Variants in KHDRBS2 observed in about 807,000 individuals in gnomAD.
The protein encoded by KHDRBS2 is KH RNA binding domain containing, signal transduction associated 2.
Under a neutral mutation model 44.3 loss-of-function variants are expected in KHDRBS2, and 26 were observed. The ratio of observed to expected loss-of-function variants is 0.59; its 90% confidence interval spans 0.43 to 0.81. The LOEUF (loss-of-function observed/expected upper bound fraction) is 0.81. Among genes scored for constraint, KHDRBS2 ranks in the 40% least tolerant of loss-of-function variants. The probability of loss-of-function intolerance (pLI) is 0.00; values close to 1 mark genes in which losing one functional copy is unlikely to be tolerated. For missense variants in KHDRBS2, 476 were observed against 433.1 expected (o/e 1.10, Z -0.88); for synonymous variants, 194 against 151.1 (o/e 1.28, Z -2.08).
intron 6 of KHDRBS2, among the ~76,000 whole-genome samples, chr6:61,766,114 T>C (rs1184179735): frequency 6.6e-6 from 1 of 151,964 alleles, no homozygotes; most frequent in Non-Finnish European, 1.5e-5. Flanking sequence ...TTCAGGCTTT[T>C]TTTTTGCTGG....
At chr6:61,883,101 AAT>A (rs1163672286) in intron 6 of KHDRBS2, among the ~76,000 whole-genome samples, 2 of 152,080 alleles carry the variant, frequency 1.3e-5, no homozygotes, top group African/African-American at 2.4e-5. Context: ...GCTTTTTAGG[AAT>A]ATACCCATAG....
At chr6:61,924,768 A>T (rs1439846490) in intron 4 of KHDRBS2, among the ~76,000 whole-genome samples, 2 of 151,862 alleles carry the variant, frequency 1.3e-5, no homozygotes, top group Non-Finnish European at 2.9e-5. Flanking sequence ...AACTTCATTC[A>T]ATTTAGAATT....
chr6:61,632,983 A>G, the KHDRBS2 span, among the ~76,000 whole-genome samples: 1 of 152,270 alleles, frequency 6.6e-6, no homozygotes, highest in South Asian at 2.1e-4. Flanking sequence ...CCTACTTATA[A>G]CAAAATAAAT....
chr6:62,051,859 C>T (rs1055585006), intron 2 of KHDRBS2, among the ~76,000 whole-genome samples: 2 of 151,794 alleles, frequency 1.3e-5, no homozygotes, highest in Admixed American at 1.3e-4. Context: ...TAAAAATAAA[C>T]AACAGGTATA....
intron 6 of KHDRBS2, among the ~76,000 whole-genome samples, chr6:61,800,064 G>A (rs1026366888): frequency 6.6e-6 from 1 of 151,974 alleles, no homozygotes; most frequent in Admixed American, 6.6e-5. Context: ...TATTGCTACA[G>A]CATTTTGTAT....
intron 6 of KHDRBS2, among the ~76,000 whole-genome samples, chr6:61,814,745 A>G (rs538617673): frequency 1.0e-3 from 157 of 152,278 alleles, no homozygotes; most frequent in African/African-American, 3.6e-3. Context: ...GTGAAAATAC[A>G]GTAGTCTCCC....
chr6:61,804,885 GCCTCTGACATGCCCTGGAGA>G (rs2127590768), intron 6 of KHDRBS2, among the ~76,000 whole-genome samples: 1 of 152,242 alleles, frequency 6.6e-6, no homozygotes, highest in African/African-American at 2.4e-5. Context: ...TGCCACGAAG[GCCTCTGACATGCCCTGGAGA>G]CATTTTCCCT....
At chr6:62,145,061 AC>A (rs1813639461) in intron 2 of KHDRBS2, among the ~76,000 whole-genome samples, 1 of 151,890 alleles carries the variant, frequency 6.6e-6, no homozygotes, top group African/African-American at 2.4e-5. Flanking sequence ...ATATTCTAGC[AC>A]CCTGATTTTT....
intron 2 of KHDRBS2, among the ~76,000 whole-genome samples, chr6:62,083,264 T>C (rs1309032379): frequency 6.6e-6 from 1 of 152,116 alleles, no homozygotes; most frequent in Admixed American, 6.6e-5. Context: ...GATGGCTTCA[T>C]GGTGGGAACT....
chr6:61,795,672 C>T (rs1785241830), intron 6 of KHDRBS2, among the ~76,000 whole-genome samples: 1 of 152,120 alleles, frequency 6.6e-6, no homozygotes, highest in Non-Finnish European at 1.5e-5. Context: ...AGTATGCCTG[C>T]TCCAGATCAA....
chr6:61,723,442 C>T (rs1427678645), intron 7 of KHDRBS2, among the ~76,000 whole-genome samples: 1 of 151,954 alleles, frequency 6.6e-6, no homozygotes, highest in Non-Finnish European at 1.5e-5. Flanking sequence ...CTTTGCTAAG[C>T]TAAAGGAGCA....
chr6:61,878,346 T>G (rs1799737640), intron 6 of KHDRBS2, among the ~76,000 whole-genome samples: 1 of 152,060 alleles, frequency 6.6e-6, no homozygotes. Flanking sequence ...TTCCCCTAAC[T>G]TATTTTTCAA....
chr6:62,198,470 A>C (rs1826166007), intron 1 of KHDRBS2, among the ~76,000 whole-genome samples: 1 of 152,212 alleles, frequency 6.6e-6, no homozygotes, highest in Admixed American at 6.5e-5. Flanking sequence ...CTACGCAAAT[A>C]AACTAGAAAA....
the KHDRBS2 span, among the ~76,000 whole-genome samples, chr6:61,573,681 T>C: frequency 6.6e-6 from 1 of 151,712 alleles, no homozygotes; most frequent in African/African-American, 2.4e-5. Flanking sequence ...CCCAGCTACT[T>C]GGGAAGCTGA....
chr6:62,076,120 T>C (rs975642643), intron 2 of KHDRBS2, among the ~76,000 whole-genome samples: 10 of 151,968 alleles, frequency 6.6e-5, no homozygotes, highest in African/African-American at 2.4e-4. Flanking sequence ...CCCAACCCCA[T>C]ATATTTCTGT....
intron 6 of KHDRBS2, among the ~76,000 whole-genome samples, chr6:61,869,652 A>G (rs1583255138): frequency 6.6e-6 from 1 of 152,086 alleles, no homozygotes; most frequent in Non-Finnish European, 1.5e-5. Flanking sequence ...TGCATTTCCA[A>G]CTGAGGTACC....
At chr6:61,568,854 G>A in the KHDRBS2 span, among the ~76,000 whole-genome samples, 41 of 152,306 alleles carry the variant, frequency 2.7e-4, no homozygotes, top group Non-Finnish European at 4.9e-4. Flanking sequence ...GGGGGTCAGA[G>A]GGCAAAAGAA....
intron 1 of KHDRBS2, among the ~76,000 whole-genome samples, chr6:62,200,716 G>A (rs879847321): frequency 2.4e-4 from 37 of 152,148 alleles, no homozygotes; most frequent in Admixed American, 3.3e-4. Flanking sequence ...ACCATTTGAC[G>A]CAGCCATCCC....
At chr6:62,244,510 C>G (rs1835236893) in intron 1 of KHDRBS2, among the ~76,000 whole-genome samples, 1 of 152,032 alleles carries the variant, frequency 6.6e-6, no homozygotes, top group Non-Finnish European at 1.5e-5. Flanking sequence ...TGGCTATTGT[C>G]AAGTATTAAT....
Sources: allele counts gnomAD v4.1 joint callset (sites outside exome capture counted in the v4.1 genomes callset), GRCh38; gene constraint gnomAD v4.1.1; transcripts MANE v1.5; gene names NCBI Gene and HGNC (gene_info 2026-07-23, HGNC 2026-07-21).